Variants in POU2AF2 observed in about 807,000 individuals in gnomAD.
POU2AF2 encodes the protein POU domain class 2-associating factor 2.
At chr11:111,264,103 T>C in the POU2AF2 span, among the ~76,000 whole-genome samples, 4 of 152,128 alleles carry the variant, frequency 2.6e-5, no homozygotes, top group Non-Finnish European at 4.4e-5. Flanking sequence ...AATAAAAAGA[T>C]GGCTTTGCTC....
the POU2AF2 span, among the ~76,000 whole-genome samples, chr11:111,265,110 G>A: frequency 3.3e-5 from 5 of 152,100 alleles, no homozygotes; most frequent in Non-Finnish European, 7.4e-5. Context: ...AAGGGGCAAA[G>A]GCACAGGGGA....
At chr11:111,284,436 C>T in the POU2AF2 span, 1 of 1,500,026 alleles carries the variant, frequency 6.7e-7, no homozygotes, top group Non-Finnish European at 8.8e-7. Context: ...CGCCCTCTGG[C>T]CAGCCGCTGT....
the POU2AF2 span, among the ~76,000 whole-genome samples, chr11:111,278,180 G>C: frequency 6.6e-6 from 1 of 152,152 alleles, no homozygotes; most frequent in Admixed American, 6.5e-5. Flanking sequence ...TTACCATGTG[G>C]CAGACACTAT....
At chr11:111,265,564 A>C in the POU2AF2 span, among the ~76,000 whole-genome samples, 1 of 152,272 alleles carries the variant, frequency 6.6e-6, no homozygotes, top group African/African-American at 2.4e-5. Flanking sequence ...GTGTTGTGAA[A>C]GTGAAATTTG....
chr11:111,260,434 G>C, the POU2AF2 span, among the ~76,000 whole-genome samples: 2 of 152,150 alleles, frequency 1.3e-5, no homozygotes, highest in Admixed American at 6.5e-5. Context: ...AGTATCTTTA[G>C]AAGAGGCCCT....
the POU2AF2 span, among the ~76,000 whole-genome samples, chr11:111,257,178 A>G: frequency 6.9e-3 from 1,048 of 152,296 alleles, 10 homozygotes; most frequent in South Asian, 0.026. Context: ...AAATGAGACA[A>G]CCATGTCCAG....
At chr11:111,281,950 C>T in the POU2AF2 span, among the ~76,000 whole-genome samples, 6 of 152,140 alleles carry the variant, frequency 3.9e-5, no homozygotes, top group South Asian at 2.1e-4. Flanking sequence ...TCAACTCAGA[C>T]GCGGCACATT....
At chr11:111,280,967 G>C in the POU2AF2 span, among the ~76,000 whole-genome samples, 1 of 152,174 alleles carries the variant, frequency 6.6e-6, no homozygotes, top group Non-Finnish European at 1.5e-5. Context: ...TGAGTTTGTG[G>C]GTGGAGGACA....
the POU2AF2 span, among the ~76,000 whole-genome samples, chr11:111,247,394 G>T: frequency 6.6e-6 from 1 of 152,280 alleles, no homozygotes; most frequent in East Asian, 1.9e-4. Flanking sequence ...GGAGTTTGTG[G>T]ATACCTACAG....
the POU2AF2 span, among the ~76,000 whole-genome samples, chr11:111,282,113 A>G: frequency 2.3e-4 from 35 of 152,218 alleles, no homozygotes; most frequent in African/African-American, 8.4e-4. Context: ...AGAAAAAAAA[A>G]AGAAAAATTT....
the POU2AF2 span, among the ~76,000 whole-genome samples, chr11:111,249,044 A>G: frequency 3.3e-5 from 5 of 152,236 alleles, no homozygotes; most frequent in East Asian, 1.9e-4. Context: ...ACAGTCCTAC[A>G]GTGCAAAAAA....
the POU2AF2 span, among the ~76,000 whole-genome samples, chr11:111,266,590 T>A: frequency 1.3e-5 from 2 of 152,140 alleles, no homozygotes; most frequent in African/African-American, 4.8e-5. Context: ...TGAGTTGACG[T>A]TCAGACCTGA....
At chr11:111,264,574 AAG>A in the POU2AF2 span, among the ~76,000 whole-genome samples, 2 of 24,538 alleles carry the variant, frequency 8.2e-5, no homozygotes, top group Non-Finnish European at 1.5e-4. Flanking sequence ...GAAAGAAAGA[AAG>A]GGAGAGAGAA....
the POU2AF2 span, among the ~76,000 whole-genome samples, chr11:111,253,372 T>C: frequency 3.3e-5 from 5 of 152,230 alleles, no homozygotes; most frequent in Non-Finnish European, 5.9e-5. Context: ...ACTTTATCTT[T>C]CAATCACTCC....
chr11:111,268,993 A>G, the POU2AF2 span, among the ~76,000 whole-genome samples: 1 of 152,050 alleles, frequency 6.6e-6, no homozygotes, highest in Non-Finnish European at 1.5e-5. Context: ...TAATAAATAT[A>G]TCTTATTTAT....
the POU2AF2 span, among the ~76,000 whole-genome samples, chr11:111,267,716 C>T: frequency 6.6e-6 from 1 of 152,138 alleles, no homozygotes; most frequent in African/African-American, 2.4e-5. Flanking sequence ...TGGTGACCCA[C>T]CCCTTCAATG....
At chr11:111,280,055 A>ATATATATATATATAT in the POU2AF2 span, among the ~76,000 whole-genome samples, 37 of 65,660 alleles carry the variant, frequency 5.6e-4, no homozygotes, top group South Asian at 1.5e-3. Flanking sequence ...AAAAAAAAAA[A>ATATATATATATATAT]AAATATATAT....
At chr11:111,267,641 G>A in the POU2AF2 span, among the ~76,000 whole-genome samples, 3 of 152,104 alleles carry the variant, frequency 2.0e-5, no homozygotes, top group South Asian at 6.2e-4. Context: ...CCCTTTCGAG[G>A]GCTGGAAGAG....
At chr11:111,282,452 T>G in the POU2AF2 span, among the ~76,000 whole-genome samples, 1 of 152,194 alleles carries the variant, frequency 6.6e-6, no homozygotes, top group Non-Finnish European at 1.5e-5. Context: ...GAAAGTGAAG[T>G]GAGTGGAGTC....
Sources: gnomAD v4.1 joint callset for allele counts (sites outside exome capture counted in the v4.1 genomes callset) on GRCh38, gnomAD v4.1.1 for gene constraint, MANE v1.5 for transcripts, NCBI Gene and HGNC (gene_info 2026-07-23, HGNC 2026-07-21) for gene names.